The following FIRRM variants were observed in gnomAD, a reference collection of about 807,000 sequenced individuals.
FIRRM encodes the protein FIGNL1 interacting regulator of recombination and mitosis.
At chr1:169,827,193 A>T in the FIRRM span, 1 of 1,611,772 alleles carries the variant, frequency 6.2e-7, no homozygotes, top group Non-Finnish European at 8.5e-7. Context: ...TTTGGACAGT[A>T]AATTAGGTAA....
chr1:169,836,053 ATTTTT>A, the FIRRM span, among the ~76,000 whole-genome samples: 4 of 142,120 alleles, frequency 2.8e-5, no homozygotes, highest in African/African-American at 5.1e-5. Context: ...GTCAGATTTA[ATTTTT>A]TTTTTTTTTT....
At chr1:169,842,691 C>A in the FIRRM span, 2 of 817,082 alleles carry the variant, frequency 2.4e-6, no homozygotes, top group South Asian at 2.0e-5. Context: ...CCTGTACTCT[C>A]TCACGCAGCT....
chr1:169,839,593 T>G, the FIRRM span, among the ~76,000 whole-genome samples: 1 of 152,248 alleles, frequency 6.6e-6, no homozygotes, highest in Non-Finnish European at 1.5e-5. Context: ...CTAATGGGGT[T>G]GTTTTTTACT....
chr1:169,853,827 T>C, the FIRRM span: 36 of 1,589,862 alleles, frequency 2.3e-5, no homozygotes, highest in African/African-American at 3.1e-4. Flanking sequence ...TATGCAAAAA[T>C]CATACGCAAA....
chr1:169,817,838 T>G, the FIRRM span, among the ~76,000 whole-genome samples: 1 of 152,264 alleles, frequency 6.6e-6, no homozygotes, highest in Non-Finnish European at 1.5e-5. Context: ...TTACAATTTT[T>G]GTTAAAGAGT....
At chr1:169,807,950 A>G in the FIRRM span, 1 of 1,593,682 alleles carries the variant, frequency 6.3e-7, no homozygotes, top group African/African-American at 1.4e-5. Flanking sequence ...GGCTAATAGC[A>G]TTTTAAACAG....
the FIRRM span, chr1:169,807,767 A>G: frequency 6.4e-7 from 1 of 1,551,698 alleles, no homozygotes. Context: ...TGGTGATTGT[A>G]TTCTTTTCTT....
At chr1:169,784,480 C>A in the FIRRM span, among the ~76,000 whole-genome samples, 2 of 152,204 alleles carry the variant, frequency 1.3e-5, no homozygotes, top group African/African-American at 4.8e-5. Flanking sequence ...TTAATTCATG[C>A]AATTCCATAT....
the FIRRM span, among the ~76,000 whole-genome samples, chr1:169,797,913 AATT>A: frequency 6.6e-6 from 1 of 152,152 alleles, no homozygotes; most frequent in Non-Finnish European, 1.5e-5. Flanking sequence ...CATTTCTAAC[AATT>A]ATTCTAACAA....
the FIRRM span, among the ~76,000 whole-genome samples, chr1:169,796,420 G>A: frequency 3.3e-5 from 5 of 152,308 alleles, no homozygotes; most frequent in East Asian, 7.7e-4. Context: ...CACTTCAAAC[G>A]ACATATTCAA....
the FIRRM span, chr1:169,821,746 T>C: frequency 3.1e-6 from 5 of 1,606,716 alleles, no homozygotes; most frequent in Non-Finnish European, 4.3e-6. Flanking sequence ...AACTCCCTTT[T>C]GCACTACGCT....
the FIRRM span, among the ~76,000 whole-genome samples, chr1:169,801,837 G>C: frequency 1.3e-5 from 2 of 152,084 alleles, no homozygotes; most frequent in African/African-American, 4.8e-5. Context: ...CTTTAGCTTT[G>C]AATCGTAATC....
At chr1:169,843,277 G>C in the FIRRM span, among the ~76,000 whole-genome samples, 4 of 152,164 alleles carry the variant, frequency 2.6e-5, no homozygotes, top group Non-Finnish European at 5.9e-5. Context: ...GGATATCTGT[G>C]CTGGAGATAT....
chr1:169,797,664 C>T, the FIRRM span, among the ~76,000 whole-genome samples: 1 of 152,110 alleles, frequency 6.6e-6, no homozygotes, highest in Non-Finnish European at 1.5e-5. Flanking sequence ...CCTTCCTCAG[C>T]CTCCCGAGTA....
At chr1:169,816,074 A>C in the FIRRM span, among the ~76,000 whole-genome samples, 9,873 of 152,298 alleles carry the variant, frequency 0.065, 426 homozygotes, top group Non-Finnish European at 0.099. Flanking sequence ...TAAAACATTC[A>C]GTAATTCATA....
chr1:169,796,064 C>T, the FIRRM span: 121 of 696,202 alleles, frequency 1.7e-4, no homozygotes, highest in Non-Finnish European at 2.1e-4. Context: ...AAAAAGTAAC[C>T]TTCACTTGAG....
At chr1:169,803,151 T>A in the FIRRM span, 1 of 1,610,308 alleles carries the variant, frequency 6.2e-7, no homozygotes, top group Non-Finnish European at 8.5e-7. Flanking sequence ...TAAGTGAAAT[T>A]TCCTTCCTTA....
chr1:169,822,203 A>C, the FIRRM span, among the ~76,000 whole-genome samples: 1 of 152,218 alleles, frequency 6.6e-6, no homozygotes, highest in South Asian at 2.1e-4. Flanking sequence ...TGCAAGCTGC[A>C]GGGAACCCAG....
chr1:169,814,906 G>A, the FIRRM span, among the ~76,000 whole-genome samples: 1 of 151,652 alleles, frequency 6.6e-6, no homozygotes, highest in South Asian at 2.1e-4. Context: ...GTATTTAGGT[G>A]TTCTCCACAT....
Sources: allele counts gnomAD v4.1 joint callset (sites outside exome capture counted in the v4.1 genomes callset), GRCh38; gene constraint gnomAD v4.1.1; transcripts MANE v1.5; gene names NCBI Gene and HGNC (gene_info 2026-07-23, HGNC 2026-07-21).